TTC6: variants seen among roughly 807,000 people sequenced by gnomAD.
The protein encoded by TTC6 is tetratricopeptide repeat domain 6.
TTC6 carries 172 observed loss-of-function variants against 210.4 expected under a neutral mutation model. The ratio of observed to expected loss-of-function variants is 0.82; its 90% CI spans 0.72 to 0.93. The LOEUF (loss-of-function observed/expected upper bound fraction) is 0.93. TTC6 is among the 40% of genes least tolerant of loss of function. The pLI is 0.00. For missense variants in TTC6, 2,414 were observed against 2,318.1 expected, an observed-to-expected ratio of 1.04 and a Z score of -0.85; for synonymous variants, 804 against 819.6, an observed-to-expected ratio of 0.98 and a Z score of 0.32.
chr14:37,828,270 T>C (rs1361996402), intron 29 of TTC6, among the ~76,000 whole-genome samples: 1 of 152,146 alleles, frequency 6.6e-6, no homozygotes, highest in African/African-American at 2.4e-5. Flanking sequence ...TCTTAATTTT[T>C]AAATTTTTCC....
intron 1 of TTC6, among the ~76,000 whole-genome samples, chr14:37,602,080 C>A (rs574099367): frequency 6.6e-6 from 1 of 152,204 alleles, no homozygotes; most frequent in Non-Finnish European, 1.5e-5. Context: ...CGGCTTAGAG[C>A]GCGCTGAGTG....
At chr14:37,786,254 T>A (rs77639533) in intron 14 of TTC6, among the ~76,000 whole-genome samples, 1 of 152,202 alleles carries the variant, frequency 6.6e-6, no homozygotes, top group Non-Finnish European at 1.5e-5. Context: ...CAGGCCTCCT[T>A]GAGCTGTGGT....
intron 24 of TTC6, 131 bp from the exon 27 acceptor site, chr14:37,812,183 T>C (rs2096131065): frequency 2.3e-6 from 2 of 883,550 alleles, no homozygotes; most frequent in Non-Finnish European, 3.4e-6. Context: ...TATGATTATT[T>C]TGGCCATAAA....
At chr14:37,764,734 C>A (rs1379222232) in intron 14 of TTC6, among the ~76,000 whole-genome samples, 1 of 152,008 alleles carries the variant, frequency 6.6e-6, no homozygotes, top group Non-Finnish European at 1.5e-5. Context: ...TTCCCAATAT[C>A]TTCCTTTAGA....
At chr14:37,757,185 G>T (rs1205945607) in intron 14 of TTC6, among the ~76,000 whole-genome samples, 2 of 151,688 alleles carry the variant, frequency 1.3e-5, no homozygotes, top group African/African-American at 4.8e-5. Context: ...TGGGATCAGT[G>T]GTCATATCCC....
chr14:37,701,419 T>C, exon 5 of TTC6: 7 of 1,533,428 alleles, frequency 4.6e-6, no homozygotes, highest in Non-Finnish European at 6.1e-6. Flanking sequence ...TGCGCCTGGC[T>C]TCTCGAGTGT....
intron 25 of TTC6, among the ~76,000 whole-genome samples, chr14:37,815,673 G>C (rs2139453672): frequency 6.6e-6 from 1 of 152,264 alleles, no homozygotes; most frequent in South Asian, 2.1e-4. Flanking sequence ...ATGTGAAGTG[G>C]TAGTGTGAGA....
At chr14:37,804,850 A>G in intron 21 of TTC6, 36 bp downstream of exon 23, 2 of 1,605,346 alleles carry the variant, frequency 1.2e-6, no homozygotes, top group African/African-American at 1.3e-5. Context: ...ATTATTTGTG[A>G]TTTTAGAGAC....
chr14:37,672,355 G>A (rs1022470440), intron 1 of TTC6, among the ~76,000 whole-genome samples: 1 of 152,090 alleles, frequency 6.6e-6, no homozygotes, highest in Non-Finnish European at 1.5e-5. Flanking sequence ...TGAACTTGGA[G>A]CCTGTACATA....
chr14:37,827,371 TGTGA>T lies in TTC6; in HGVS notation c.5298+8_5298+11del. 6.2e-7 allele frequency: 1 copy of T among 1,611,740 alleles called. No homozygotes were observed. The highest frequency in any genetic ancestry group is 8.5e-7 in the Non-Finnish European group (1 of 1,178,504). Reference sequence around the variant, plus strand: ...CACCACAGGCAGTTTTCCCAGGTAATGTGAGTTTTACTTAACGCTTTCTTTTTGA... The same window carrying T: ...CACCACAGGCAGTTTTCCCAGGTAATGTTTTACTTAACGCTTTCTTTTTGA... On this transcript the variant is annotated splice_donor_region_variant and intron_variant, in intron 29 of 30. Coordinates refer to ENST00000553443, the Ensembl canonical transcript of TTC6.
chr14:37,762,882 C>CTTTTTTT (rs369694046), intron 14 of TTC6, among the ~76,000 whole-genome samples: 2 of 129,602 alleles, frequency 1.5e-5, no homozygotes, highest in African/African-American at 2.9e-5. Context: ...CTTTTCTTTT[C>CTTTTTTT]TTTTTTTTTT....
At chr14:37,635,991 AAAAAAAAAAG>A (rs1252769889) in intron 1 of TTC6, among the ~76,000 whole-genome samples, 171 of 150,964 alleles carry the variant, frequency 1.1e-3, no homozygotes, top group Non-Finnish European at 2.0e-3. Flanking sequence ...CAAAAAAAAA[AAAAAAAAAAG>A]AAAAAAAAAA....
At chr14:37,734,290 G>A (rs536062480) in intron 7 of TTC6, among the ~76,000 whole-genome samples, 2 of 152,222 alleles carry the variant, frequency 1.3e-5, no homozygotes, top group East Asian at 3.9e-4. Context: ...TGGTATTCCA[G>A]TTTATATATA....
At chr14:37,725,941 T>C (rs2095872231) in intron 7 of TTC6, among the ~76,000 whole-genome samples, 1 of 152,158 alleles carries the variant, frequency 6.6e-6, no homozygotes, top group Non-Finnish European at 1.5e-5. Context: ...GTTATACTGA[T>C]CATTTTAAAA....
At chr14:37,776,340 A>G (rs950672788) in intron 14 of TTC6, among the ~76,000 whole-genome samples, 4 of 152,070 alleles carry the variant, frequency 2.6e-5, no homozygotes, top group Non-Finnish European at 4.4e-5. Context: ...ATGTGTGTGT[A>G]TTTGATCCTG....
chr14:37,674,192 A>G (rs1407918557), intron 1 of TTC6, among the ~76,000 whole-genome samples: 1 of 151,200 alleles, frequency 6.6e-6, no homozygotes, highest in Non-Finnish European at 1.5e-5. Flanking sequence ...TGTTACCTTC[A>G]TGATTTTGTT....
exon 11 of TTC6, chr14:37,749,175 C>T: frequency 3.3e-6 from 5 of 1,534,924 alleles, no homozygotes; most frequent in Non-Finnish European, 4.4e-6. Context: ...ATATCAGTTC[C>T]TGAAGACCCA....
chr14:37,840,902 T>A (rs2096208557), intron 29 of TTC6, among the ~76,000 whole-genome samples: 1 of 151,188 alleles, frequency 6.6e-6, no homozygotes, highest in African/African-American at 2.4e-5. Flanking sequence ...GGAGTCTTGC[T>A]CTGTCACCCA....
At chr14:37,732,784 AT>A (rs71127234) in intron 7 of TTC6, among the ~76,000 whole-genome samples, 64,633 of 150,888 alleles carry the variant, frequency 0.43, 14,950 homozygotes, top group Non-Finnish European at 0.52. Flanking sequence ...CGCCCAGCTA[AT>A]TTTTTTGTAC....
Sources: gnomAD v4.1 joint callset for allele counts (sites outside exome capture counted in the v4.1 genomes callset) on GRCh38, gnomAD v4.1.1 for gene constraint, MANE v1.5 for transcripts, NCBI Gene and HGNC (gene_info 2026-07-23, HGNC 2026-07-21) for gene names.